The following ABHD2 variants were observed in gnomAD, a reference collection of about 807,000 sequenced individuals.
ABHD2 encodes the protein monoacylglycerol lipase ABHD2.
A neutral mutation model predicts 48.1 loss-of-function variants in ABHD2; 20 were observed. That is an observed-to-expected ratio of 0.42 (90% CI 0.29 to 0.60). The LOEUF (loss-of-function observed/expected upper bound fraction) is 0.60, where lower values mean the gene tolerates loss of function less well. Ranked by LOEUF, ABHD2 falls within the 20% of genes least tolerant of loss-of-function variation. The pLI, the probability that ABHD2 is intolerant of heterozygous loss-of-function variation, is 0.24. For missense variants in ABHD2, 405 were observed against 550.9 expected, an observed-to-expected ratio of 0.74 and a Z score of 2.65; for synonymous variants, 209 against 214.2, an observed-to-expected ratio of 0.98 and a Z score of 0.21.
chr15:89,105,052 A>G (rs2049761949), intron 1 of ABHD2, among the ~76,000 whole-genome samples: 1 of 152,246 alleles, frequency 6.6e-6, no homozygotes, highest in Non-Finnish European at 1.5e-5. Context: ...CACCTGGCGT[A>G]AGATTTTTTT....
At chr15:89,123,798 A>C (rs138095881) in intron 3 of ABHD2, among the ~76,000 whole-genome samples, 14 of 151,926 alleles carry the variant, frequency 9.2e-5, no homozygotes, top group African/African-American at 3.1e-4. Context: ...ACAGGGTCTC[A>C]CCTGTGTCAC....
chr15:89,067,212 C>T, the ABHD2 span, among the ~76,000 whole-genome samples: 1 of 152,190 alleles, frequency 6.6e-6, no homozygotes, highest in Non-Finnish European at 1.5e-5. Flanking sequence ...TGGAAGCCCA[C>T]ACTATTTATT....
chr15:89,160,218 T>C (rs958209753), intron 5 of ABHD2, among the ~76,000 whole-genome samples: 3 of 152,220 alleles, frequency 2.0e-5, no homozygotes, highest in Non-Finnish European at 4.4e-5. Context: ...AGCCCGTGTT[T>C]GTTACTTTTG....
chr15:89,138,455 G>A lies in ABHD2; in HGVS notation c.195-13222G>A, dbSNP rs554136037. Reference sequence around the variant, plus strand: ...TGCTCTCACTGTCATCGCTCTCCTGGATCTTTGGGGAGATATTCAGTATGA... The same window carrying A: ...TGCTCTCACTGTCATCGCTCTCCTGAATCTTTGGGGAGATATTCAGTATGA... On this transcript the variant is annotated intron_variant, in intron 3 of 10. Transcript: ENST00000352732. Among the ~76,000 whole-genome samples, 63 of 152,266 alleles carry A rather than the reference G, an allele frequency of 4.1e-4. No individual in the cohort carries two copies. The South Asian group carries it at 0.012, about 29-fold the overall frequency.
intron 1 of ABHD2, among the ~76,000 whole-genome samples, chr15:89,096,719 C>G (rs1596059421): frequency 6.6e-6 from 1 of 152,202 alleles, no homozygotes; most frequent in Non-Finnish European, 1.5e-5. Context: ...TTGAGAAACA[C>G]TCCCAAAGAG....
At chr15:89,051,079 A>G in the ABHD2 span, among the ~76,000 whole-genome samples, 1 of 152,132 alleles carries the variant, frequency 6.6e-6, no homozygotes, top group African/African-American at 2.4e-5. Context: ...CTAAAAATAC[A>G]AAAATTAGCT....
the ABHD2 span, among the ~76,000 whole-genome samples, chr15:89,059,620 G>A: frequency 7.2e-5 from 11 of 152,236 alleles, no homozygotes; most frequent in South Asian, 4.1e-4. Flanking sequence ...TGAGAAGTAC[G>A]ACCGGCTACC....
At chr15:89,111,664 T>A (rs1393960835) in intron 1 of ABHD2, among the ~76,000 whole-genome samples, 1 of 152,164 alleles carries the variant, frequency 6.6e-6, no homozygotes, top group Non-Finnish European at 1.5e-5. Flanking sequence ...AAAAATTAGA[T>A]CTACCCCTCC....
In ABHD2 at chr15:89,199,302, A is replaced by G. The variant is rs200878421; in HGVS notation, c.*3879A>G. 1 of 151,988 alleles carries G rather than the reference A, an allele frequency of 6.6e-6. No homozygotes were observed. The highest frequency in any genetic ancestry group is 1.5e-5 in the Non-Finnish European group (1 of 67,946). 9.4% of individuals were successfully genotyped at this position (151,988 alleles called of 1,614,324 possible). A position where few individuals can be genotyped will look rare whatever the true frequency, so the allele number is the denominator to read the frequency against. The stretch of plus-strand genomic sequence containing the variant: ...TTCTGACTTAGAGCTGAAGTAAAAG[A>G]TCACTGAAACATCACGTCAAGTTGA... On this transcript the variant is annotated 3_prime_UTR_variant, in exon 11 of 11. Transcript: ENST00000352732. The surrounding 1 kb of genome is among the most constrained non-coding windows in gnomAD (Gnocchi z 4.1).
At chr15:89,047,120 G>A in the ABHD2 span, among the ~76,000 whole-genome samples, 2 of 151,742 alleles carry the variant, frequency 1.3e-5, no homozygotes, top group African/African-American at 4.8e-5. Flanking sequence ...TGGTTTCAAA[G>A]AACATCTTTA....
intron 9 of ABHD2, among the ~76,000 whole-genome samples, chr15:89,192,490 T>C (rs1173896309): frequency 6.6e-6 from 1 of 151,942 alleles, no homozygotes; most frequent in African/African-American, 2.4e-5. Context: ...GTTTTCAACC[T>C]TCAGATTCTT....
At chr15:89,134,160 C>A (rs566789695) in intron 3 of ABHD2, among the ~76,000 whole-genome samples, 3 of 152,230 alleles carry the variant, frequency 2.0e-5, no homozygotes, top group Non-Finnish European at 4.4e-5. Context: ...TTAATGTTTG[C>A]ATAATTAAAT....
At chr15:89,071,993 C>A in the ABHD2 span, among the ~76,000 whole-genome samples, 1 of 152,160 alleles carries the variant, frequency 6.6e-6, no homozygotes, top group African/African-American at 2.4e-5. Flanking sequence ...AGTGTTGTGT[C>A]CCAGGAAACC....
intron 3 of ABHD2, among the ~76,000 whole-genome samples, chr15:89,135,303 C>A (rs1370939271): frequency 1.3e-5 from 2 of 151,772 alleles, no homozygotes; most frequent in Admixed American, 6.6e-5. Context: ...AATTTCCATG[C>A]CAGTTTACAA....
chr15:89,101,778 G>A (rs1164846131), intron 1 of ABHD2, among the ~76,000 whole-genome samples: 1 of 152,176 alleles, frequency 6.6e-6, no homozygotes, highest in Admixed American at 6.5e-5. Flanking sequence ...GGCCCCCAGT[G>A]AATATCTTTG....
the ABHD2 span, among the ~76,000 whole-genome samples, chr15:89,044,388 G>C: frequency 6.6e-6 from 1 of 152,158 alleles, no homozygotes; most frequent in Non-Finnish European, 1.5e-5. Context: ...CTTTATAGCA[G>C]CATGATTTAT....
At chr15:89,049,615 GA>G in the ABHD2 span, among the ~76,000 whole-genome samples, 1 of 152,250 alleles carries the variant, frequency 6.6e-6, no homozygotes, top group Non-Finnish European at 1.5e-5. Flanking sequence ...AAGCCCGTCG[GA>G]AAAGCGCAGT....
rs759300103 is a variant in ABHD2 at position 89,175,950 on chromosome 15, A to C, written c.677A>C (p.Lys226Thr). The C allele has an allele frequency of 1.4e-5, 22 of 1,613,998 alleles. No homozygotes were observed. The highest frequency in any genetic ancestry group is 1.9e-5 in the Non-Finnish European group (22 of 1,179,946). ...YLGETQANQE[K>T]VLCCVSVCQG... ...GGGGAGACTCAGGCAAACCAAGAGA[A>C]GGTCCTGTGCTGCGTCAGCGTGTGC... Residue 226 changes from lysine to threonine, a missense_variant, in exon 6 of 11, where the codon AAG becomes ACG. Lys to Thr is a moderately conservative substitution (Grantham distance 78). Coordinates refer to ENST00000352732, the MANE Select transcript of ABHD2 (RefSeq NM_152924.5). This position sits in a 1 kb window ranked among gnomAD's most constrained non-coding sequence, Gnocchi z 5.7.
chr15:89,161,549 C>T (rs766459947), intron 5 of ABHD2, among the ~76,000 whole-genome samples: 10 of 152,212 alleles, frequency 6.6e-5, no homozygotes, highest in East Asian at 3.9e-4. Context: ...TATAAGCACC[C>T]GCCACCACAC....
Sources: allele counts gnomAD v4.1 joint callset (sites outside exome capture counted in the v4.1 genomes callset), GRCh38; gene constraint gnomAD v4.1.1; non-coding constraint Gnocchi (gnomAD v3.1); transcripts MANE v1.5; gene names NCBI Gene and HGNC (gene_info 2026-07-23, HGNC 2026-07-21).